TMEM178B: variants seen among roughly 807,000 people sequenced by gnomAD.
TMEM178B encodes the protein transmembrane protein 178B.
A neutral mutation model predicts 31.0 loss-of-function variants in TMEM178B; 5 were observed. The observed-to-expected ratio is 0.16, with a 90% CI of 0.08 to 0.34. The LOEUF (loss-of-function observed/expected upper bound fraction) is 0.34. TMEM178B is among the 10% of genes least tolerant of loss of function. The pLI is 1.00. For missense variants in TMEM178B, 275 were observed against 400.3 expected (o/e 0.69, Z 2.67); for synonymous variants, 164 against 164.0 (o/e 1.00, Z 0.00).
At chr7:141,108,354 T>C (rs1218251266) in intron 1 of TMEM178B, among the ~76,000 whole-genome samples, 1 of 152,116 alleles carries the variant, frequency 6.6e-6, no homozygotes, top group Non-Finnish European at 1.5e-5. Flanking sequence ...TAGAGTGATG[T>C]TATTGAATAA....
At chr7:141,388,003 G>A (rs10277430) in intron 2 of TMEM178B, among the ~76,000 whole-genome samples, 19,625 of 152,258 alleles carry the variant, frequency 0.13, 1,447 homozygotes, top group Non-Finnish European at 0.17. Flanking sequence ...CTGCCAAGCC[G>A]CACACCCTTT....
In TMEM178B at chr7:141,459,946, GAA is replaced by G. The variant is rs772210040; in HGVS notation, c.635-10575_635-10574del. ...ACCTGGGTGAGGGAGAATAGATGGAGAAAAAAAAAAAAAAAAGAACACAAGAT... is the reference window on the plus strand; with the variant it reads ...ACCTGGGTGAGGGAGAATAGATGGAGAAAAAAAAAAAAAAGAACACAAGAT... On this transcript the variant is annotated intron_variant, in intron 3 of 3. Coordinates refer to ENST00000565468, the MANE Select transcript of TMEM178B (RefSeq NM_001195278.2). Among the ~76,000 whole-genome samples the G allele has an allele frequency of 2.8e-3, 333 of 116,946 alleles. 4 individuals carry two copies. The highest frequency in any genetic ancestry group is 9.1e-3 in the African/African-American group (292 of 32,046). 76.7% of individuals were successfully genotyped at this position (116,946 alleles called of 152,430 possible).
chr7:141,193,072 T>TCTGCCCATCCTCCAGTCAAGCCCTGCCC (rs1796723504), intron 1 of TMEM178B, among the ~76,000 whole-genome samples: 1 of 152,222 alleles, frequency 6.6e-6, no homozygotes, highest in East Asian at 1.9e-4. Flanking sequence ...CTCCAACTCC[T>TCTGCCCATCCTCCAGTCAAGCCCTGCCC]CTGCCCATCC....
chr7:141,126,326 A>G (rs1053741597), intron 1 of TMEM178B, among the ~76,000 whole-genome samples: 3 of 151,920 alleles, frequency 2.0e-5, no homozygotes, highest in African/African-American at 7.3e-5. Flanking sequence ...TGAATGGGAG[A>G]TTGGGCAGGA....
intron 3 of TMEM178B, among the ~76,000 whole-genome samples, chr7:141,466,841 A>G (rs1269160174): frequency 2.6e-5 from 4 of 152,158 alleles, no homozygotes; most frequent in African/African-American, 9.7e-5. Context: ...AGCATTACAT[A>G]TCTAATGATA....
the TMEM178B span, among the ~76,000 whole-genome samples, chr7:141,503,093 A>G: frequency 1.3e-5 from 2 of 152,224 alleles, no homozygotes; most frequent in Non-Finnish European, 2.9e-5. Flanking sequence ...GGCAGTTAGC[A>G]GAACCACAAA....
At chr7:141,316,642 A>G (rs146939702) in intron 2 of TMEM178B, among the ~76,000 whole-genome samples, 4 of 152,262 alleles carry the variant, frequency 2.6e-5, no homozygotes, top group African/African-American at 4.8e-5. Flanking sequence ...ATTTGCAAGT[A>G]TCTATTGAGT....
At chr7:141,375,728 A>G (rs1189505771) in intron 2 of TMEM178B, among the ~76,000 whole-genome samples, 1 of 152,156 alleles carries the variant, frequency 6.6e-6, no homozygotes, top group African/African-American at 2.4e-5. Flanking sequence ...GTGTATTTAG[A>G]ATTGGTCATG....
At chr7:141,493,617 T>C in the TMEM178B span, among the ~76,000 whole-genome samples, 1 of 152,158 alleles carries the variant, frequency 6.6e-6, no homozygotes, top group Non-Finnish European at 1.5e-5. Context: ...CATTTTCTCC[T>C]CCATCCTGTT....
chr7:141,463,587 A>G (rs1802098936), intron 3 of TMEM178B, among the ~76,000 whole-genome samples: 1 of 152,184 alleles, frequency 6.6e-6, no homozygotes, highest in Admixed American at 6.5e-5. Flanking sequence ...AGCTGCCGCC[A>G]TGGATCAGGG....
rs1252632991 is a variant in TMEM178B at position 141,177,022 on chromosome 7, GTTC to G, written c.383-35566_383-35564del. Among the ~76,000 whole-genome samples the G allele has an allele frequency of 5.3e-5, 8 of 152,108 alleles. No homozygotes were observed. The East Asian group carries it at 1.5e-3, about 29-fold the overall frequency. The stretch of plus-strand genomic sequence containing the variant: ...GAATTTGTTTGTTCTTTCTTTTCTA[GTTC>G]TTTTAATTGTGATGTTAGGGTTTCG... On this transcript the variant is annotated intron_variant, in intron 1 of 3. Coordinates refer to ENST00000565468, the MANE Select transcript of TMEM178B (RefSeq NM_001195278.2).
At chr7:141,489,011 G>A in the TMEM178B span, among the ~76,000 whole-genome samples, 2 of 151,902 alleles carry the variant, frequency 1.3e-5, no homozygotes, top group Admixed American at 6.6e-5. Context: ...AAGAAGTAGG[G>A]GGCATCTGCA....
chr7:141,200,670 C>G (rs1264447525), intron 1 of TMEM178B, among the ~76,000 whole-genome samples: 1 of 152,236 alleles, frequency 6.6e-6, no homozygotes, highest in Non-Finnish European at 1.5e-5. Flanking sequence ...TGACCTCATT[C>G]CCTTTTTGGA....
At chr7:141,364,995 A>G (rs55996608) in intron 2 of TMEM178B, among the ~76,000 whole-genome samples, 37,727 of 152,286 alleles carry the variant, frequency 0.25, 5,164 homozygotes, top group Middle Eastern at 0.34. Context: ...GTTGTAACTC[A>G]TTAAAAGAAT....
At chr7:141,319,113 G>A (rs982529952) in intron 2 of TMEM178B, among the ~76,000 whole-genome samples, 8 of 152,182 alleles carry the variant, frequency 5.3e-5, no homozygotes, top group Admixed American at 2.0e-4. Context: ...CAATCCTAGT[G>A]GACCACTGTA....
intron 2 of TMEM178B, among the ~76,000 whole-genome samples, chr7:141,231,286 G>A (rs1429969422): frequency 1.3e-5 from 2 of 149,772 alleles, no homozygotes; most frequent in Admixed American, 1.3e-4. Context: ...CCATGCTTTG[G>A]GGCTCCTGAC....
At chr7:141,110,849 A>G (rs1036102892) in intron 1 of TMEM178B, among the ~76,000 whole-genome samples, 44 of 152,148 alleles carry the variant, frequency 2.9e-4, no homozygotes, top group African/African-American at 1.0e-3. Context: ...TCTCCTTGTA[A>G]GAAGAGACCC....
chr7:141,465,355 T>C (rs1802131978), intron 3 of TMEM178B, among the ~76,000 whole-genome samples: 1 of 152,044 alleles, frequency 6.6e-6, no homozygotes, highest in Admixed American at 6.5e-5. Context: ...ATTTAAAATA[T>C]TTTCCTAGAG....
At chr7:141,298,402 A>G (rs1026119802) in intron 2 of TMEM178B, among the ~76,000 whole-genome samples, 3 of 152,148 alleles carry the variant, frequency 2.0e-5, no homozygotes, top group African/African-American at 7.2e-5. Context: ...TTGCTAAAAC[A>G]TACTCCTGTC....
Sources: allele counts gnomAD v4.1 joint callset (sites outside exome capture counted in the v4.1 genomes callset), GRCh38; gene constraint gnomAD v4.1.1; transcripts MANE v1.5; gene names NCBI Gene and HGNC (gene_info 2026-07-23, HGNC 2026-07-21).